Variants in CCL26 observed in about 807,000 individuals in gnomAD.
CCL26 encodes C-C motif chemokine 26.
CCL26 carries 10 observed loss-of-function variants against 10.7 expected under a neutral mutation model. The observed-to-expected ratio is 0.93, with a 90% CI of 0.57 to 1.58. The LOEUF is 1.58. CCL26 is among the 40% of genes most tolerant of loss of function. The probability of loss-of-function intolerance (pLI) is 0.00; values close to 1 mark genes in which losing one functional copy is unlikely to be tolerated. For missense variants in CCL26, 116 were observed against 111.0 expected (o/e 1.05, Z -0.20); for synonymous variants, 43 against 41.4 (o/e 1.04, Z -0.15).
At chr7:75,772,906 T>G (rs1480033655), upstream of CCL26, among the ~76,000 whole-genome samples, 1 of 152,168 alleles carries the variant, frequency 6.6e-6, no homozygotes, top group Non-Finnish European at 1.5e-5. Context: ...ATAGCACAAT[T>G]GGTTGTTGAA....
intron 1 of CCL26, among the ~76,000 whole-genome samples, chr7:75,788,870 C>G (rs1248559780): frequency 2.6e-5 from 4 of 151,912 alleles, no homozygotes; most frequent in African/African-American, 9.7e-5. Context: ...CCTTTTAACC[C>G]TTGTGGAAAT....
intron 2 of CCL26, among the ~76,000 whole-genome samples, chr7:75,770,871 T>C (rs1802806628): frequency 6.6e-6 from 1 of 152,118 alleles, no homozygotes; most frequent in Admixed American, 6.6e-5. Context: ...ACAGCTTTGT[T>C]GGGATATAAT....
At chr7:75,786,642 G>T (rs1186606176) in intron 1 of CCL26, among the ~76,000 whole-genome samples, 5 of 152,076 alleles carry the variant, frequency 3.3e-5, no homozygotes, top group African/African-American at 1.2e-4. Context: ...CGTAGCTCAG[G>T]GCAACGCTTA....
rs1802831250 is a variant in CCL26 at position 75,771,953 on chromosome 7, G to T, written c.124C>A (p.Leu42Ile). 1.2e-6 allele frequency: 2 copies of T among 1,614,190 alleles called. No individual in the cohort carries two copies. Among genetic ancestry groups the T allele is most frequent in the Non-Finnish European group, 1.7e-6 (2 of 1,180,010 alleles). Residue 42 changes from leucine (L) to isoleucine (I), a missense_variant, in exon 2 of 3, where the codon CTT becomes ATT. Physicochemically the swap from Leu to Ile is conservative, Grantham distance 5 (BLOSUM62 2). Transcript: ENST00000005180. Reference protein sequence around the residue: ...TCCFQYSHKPLPWTWVRSYEF... With the variant: ...TCCFQYSHKPIPWTWVRSYEF... Reference sequence around the variant, plus strand: ...TAGCTTCGCACCCAGGTCCAGGGAAGGGGCTTGTGGCTGTATTGGAAGCAG... The same window carrying T: ...TAGCTTCGCACCCAGGTCCAGGGAATGGGCTTGTGGCTGTATTGGAAGCAG...
chr7:75,773,578 T>TTG (rs140549877), upstream of CCL26, among the ~76,000 whole-genome samples: 9 of 151,546 alleles, frequency 5.9e-5, no homozygotes, highest in Admixed American at 1.3e-4. Context: ...TATTATTATT[T>TTG]TGTGTGTGTG....
chr7:75,773,343 G>C (rs1802870911), upstream of CCL26, among the ~76,000 whole-genome samples: 1 of 151,950 alleles, frequency 6.6e-6, no homozygotes, highest in South Asian at 2.1e-4. Flanking sequence ...AGAATCGCTT[G>C]AATGCAGGAG....
intron 1 of CCL26, 48 bp from the exon 2 acceptor site, chr7:75,772,051 C>G: frequency 6.2e-7 from 1 of 1,604,130 alleles, no homozygotes; most frequent in Non-Finnish European, 8.5e-7. Flanking sequence ...TTTCCATCCA[C>G]TCCCAGGCGG....
At chr7:75,782,195 T>C (rs1554529532) in intron 1 of CCL26, among the ~76,000 whole-genome samples, 1 of 152,174 alleles carries the variant, frequency 6.6e-6, no homozygotes, top group Non-Finnish European at 1.5e-5. Flanking sequence ...TTCAATTCCT[T>C]TCATTTTCTG....
intron 2 of CCL26, among the ~76,000 whole-genome samples, chr7:75,770,199 A>G (rs1554527943): frequency 6.6e-6 from 1 of 151,556 alleles, no homozygotes; most frequent in African/African-American, 2.4e-5. Context: ...ACTCCCAAGT[A>G]GCTGGGATTA....
intron 2 of CCL26, among the ~76,000 whole-genome samples, chr7:75,771,027 T>C (rs1802809611): frequency 1.3e-5 from 2 of 152,166 alleles, no homozygotes; most frequent in Admixed American, 6.6e-5. Flanking sequence ...GGAAATTGTA[T>C]GCCAAAATCC....
intron 1 of CCL26, among the ~76,000 whole-genome samples, chr7:75,788,422 C>T (rs578068891): frequency 6.6e-6 from 1 of 152,238 alleles, no homozygotes; most frequent in African/African-American, 2.4e-5. Context: ...ATTACCTACC[C>T]AAATCCTATA....
intron 1 of CCL26, among the ~76,000 whole-genome samples, chr7:75,778,854 G>GGGC (rs1554529067): frequency 3.3e-5 from 5 of 151,954 alleles, no homozygotes; most frequent in African/African-American, 1.2e-4. Flanking sequence ...AAGGTGGGGG[G>GGGC]GGCAGATCAC....
intron 2 of CCL26, among the ~76,000 whole-genome samples, chr7:75,770,829 C>T (rs1802805450): frequency 6.6e-6 from 1 of 152,122 alleles, no homozygotes. Flanking sequence ...GCCTGCGCCA[C>T]CTCACCTGGC....
chr7:75,786,686 C>T (rs1226706108), intron 1 of CCL26, among the ~76,000 whole-genome samples: 8 of 152,160 alleles, frequency 5.3e-5, no homozygotes, highest in Admixed American at 3.9e-4. Context: ...AAGCAGCTAA[C>T]GTTCCAATGG....
chr7:75,775,543 T>C (rs1404303564), upstream of CCL26, among the ~76,000 whole-genome samples: 1 of 152,090 alleles, frequency 6.6e-6, no homozygotes, highest in Non-Finnish European at 1.5e-5. Flanking sequence ...GCCAAGGAGT[T>C]CTGGGAGCCT....
At chr7:75,790,759 T>A (rs1310778480), upstream of CCL26, among the ~76,000 whole-genome samples, 4 of 151,736 alleles carry the variant, frequency 2.6e-5, no homozygotes, top group Admixed American at 2.0e-4. Flanking sequence ...ACCTGGCCAA[T>A]GTGGTGAAAT....
At chr7:75,773,613 C>T (rs907603993), upstream of CCL26, among the ~76,000 whole-genome samples, 1 of 151,758 alleles carries the variant, frequency 6.6e-6, no homozygotes, top group Non-Finnish European at 1.5e-5. Flanking sequence ...CAGTGGCTCA[C>T]GCCTGTAATC....
chr7:75,784,480 G>A (rs554160083), intron 1 of CCL26, among the ~76,000 whole-genome samples: 4 of 152,028 alleles, frequency 2.6e-5, no homozygotes, highest in South Asian at 2.1e-4. Context: ...AGAGTAAGTC[G>A]TCCCCTTCTT....
chr7:75,779,282 T>G (rs1315952662), intron 1 of CCL26, among the ~76,000 whole-genome samples: 1 of 152,194 alleles, frequency 6.6e-6, no homozygotes, highest in South Asian at 2.1e-4. Flanking sequence ...TCCTGTTTGG[T>G]GGTCGCTTCA....
Sources: allele counts gnomAD v4.1 joint callset (sites outside exome capture counted in the v4.1 genomes callset), GRCh38; gene constraint gnomAD v4.1.1; transcripts MANE v1.5; gene names NCBI Gene and HGNC (gene_info 2026-07-23, HGNC 2026-07-21).